RASAL2: variants seen among roughly 807,000 people sequenced by gnomAD.
RASAL2 encodes the protein ras GTPase-activating protein nGAP.
RASAL2 carries 58 observed loss-of-function variants against 128.9 expected under a neutral mutation model. That is an observed-to-expected ratio of 0.45 (90% CI 0.36 to 0.56). The LOEUF is 0.56. RASAL2 is among the 20% of genes least tolerant of loss of function. The probability of loss-of-function intolerance (pLI) is 0.00; values close to 1 mark genes in which losing one functional copy is unlikely to be tolerated. For synonymous variants in RASAL2, 561 were observed against 580.8 expected, an observed-to-expected ratio of 0.97 and a Z score of 0.49; for missense variants, 1,360 against 1,601.6, an observed-to-expected ratio of 0.85 and a Z score of 2.57.
At chr1:178,126,453 T>C (rs992755486) in intron 1 of RASAL2, among the ~76,000 whole-genome samples, 23 of 152,236 alleles carry the variant, frequency 1.5e-4, no homozygotes, top group Admixed American at 1.4e-3. Context: ...TTGTGTAATA[T>C]TGAACATCTG....
intron 3 of RASAL2, among the ~76,000 whole-genome samples, chr1:178,335,262 T>C (rs1214972562): frequency 6.6e-6 from 1 of 152,078 alleles, no homozygotes; most frequent in African/African-American, 2.4e-5. Flanking sequence ...AAAAAAAATA[T>C]AGCATATCTA....
At chr1:178,347,089 T>C (rs112167377) in intron 3 of RASAL2, among the ~76,000 whole-genome samples, 1,534 of 152,226 alleles carry the variant, frequency 0.01, 20 homozygotes, top group African/African-American at 0.035. Context: ...CAAACAATGA[T>C]TTACCTGTTT....
intron 1 of RASAL2, among the ~76,000 whole-genome samples, chr1:178,224,008 A>G (rs1196880874): frequency 1.3e-5 from 2 of 152,174 alleles, no homozygotes; most frequent in African/African-American, 4.8e-5. Flanking sequence ...TGTTAAATTG[A>G]ATATATGAGT....
chr1:178,229,193 A>C (rs1317533341), intron 1 of RASAL2, among the ~76,000 whole-genome samples: 1 of 152,234 alleles, frequency 6.6e-6, no homozygotes, highest in Non-Finnish European at 1.5e-5. Flanking sequence ...TACCTTAAGA[A>C]TATGATAACT....
chr1:178,109,034 A>T (rs1414862079), intron 1 of RASAL2, among the ~76,000 whole-genome samples: 3 of 152,230 alleles, frequency 2.0e-5, no homozygotes, highest in Admixed American at 2.0e-4. Context: ...TGTTTGATCA[A>T]GCCAGTGAGA....
At position 178,475,600 on chromosome 1, in the gene RASAL2, G is replaced by A. The variant is rs1199968024; in HGVS notation, c.*2361G>A. Reference sequence around the variant, plus strand: ...TGAGGTTTGGAAGCTCTTAAGTGCCGATTATGGATTACAGAGGGCTGATAA... The same window carrying A: ...TGAGGTTTGGAAGCTCTTAAGTGCCAATTATGGATTACAGAGGGCTGATAA... On this transcript the variant is annotated 3_prime_UTR_variant, in exon 18 of 18. Transcript: ENST00000367649. The A allele has an allele frequency of 6.6e-6, 1 of 152,160 alleles. No homozygotes were observed. The highest frequency in any genetic ancestry group is 1.5e-5 in the Non-Finnish European group (1 of 68,026). The allele number at this position is 152,160 out of a possible 1,614,324, so 9.4% of individuals were successfully genotyped here. A position where few individuals can be genotyped will look rare whatever the true frequency, so the allele number is the denominator to read the frequency against.
rs750568086 is a variant in RASAL2, at chr1:178,458,532, A to G, written c.3240A>G (p.Gln1080=). ...PVPKVRAIQR[Q]QTQQVQSPVD... ...CCAAAGTTAGAGCAATCCAGAGACA[A>G]CAGACACAGCAGGTAGGTGTGAGTG... The change falls in exon 14 of 18, where the codon CAA becomes CAG. Residue 1080 remains glutamine, a synonymous_variant. Coordinates refer to ENST00000367649, the MANE Select transcript of RASAL2 (RefSeq NM_170692.4). 1.2e-6 allele frequency: 2 copies of G among 1,609,928 alleles called. No homozygotes were observed. Among genetic ancestry groups the G allele is most frequent in the South Asian group, 1.1e-5 (1 of 90,268 alleles).
chr1:178,109,824 C>G (rs1016365773), intron 1 of RASAL2, among the ~76,000 whole-genome samples: 2 of 152,010 alleles, frequency 1.3e-5, no homozygotes, highest in African/African-American at 4.8e-5. Flanking sequence ...GAGTTGGAGA[C>G]CAGCCTGGGC....
At chr1:178,132,518 CAT>C (rs1452952537) in intron 1 of RASAL2, among the ~76,000 whole-genome samples, 6 of 152,072 alleles carry the variant, frequency 3.9e-5, no homozygotes, top group African/African-American at 1.4e-4. Flanking sequence ...ATGAGGAGAA[CAT>C]AAATCACCCA....
chr1:178,209,465 C>T (rs1663176772), intron 1 of RASAL2, among the ~76,000 whole-genome samples: 1 of 152,128 alleles, frequency 6.6e-6, no homozygotes, highest in Non-Finnish European at 1.5e-5. Context: ...CAGTGTAACT[C>T]CCAAGTAGTC....
At chr1:178,177,689 A>T (rs886893903) in intron 1 of RASAL2, among the ~76,000 whole-genome samples, 2 of 152,154 alleles carry the variant, frequency 1.3e-5, no homozygotes, top group Admixed American at 6.6e-5. Context: ...ATGAAGAAGG[A>T]TGATGTATTA....
chr1:178,337,850 A>T (rs893798329), intron 3 of RASAL2, among the ~76,000 whole-genome samples: 5 of 147,720 alleles, frequency 3.4e-5, no homozygotes, highest in African/African-American at 5.0e-5. Flanking sequence ...TCCTGCCTCA[A>T]CCTCCCGAGT....
chr1:178,396,826 TA>T lies in RASAL2; in HGVS notation c.564+6634del, dbSNP rs60205143. The stretch of plus-strand genomic sequence containing the variant: ...TTTTGTCAGATTGTTGAGTGGCTGG[TA>T]AAAAAAAAAAAAAGGCTCTAGAAGA... On this transcript the variant is annotated intron_variant, in intron 4 of 17. Transcript: ENST00000367649. Among the ~76,000 whole-genome samples the T allele has an allele frequency of 4.9e-3, 652 of 133,992 alleles. 1 individual carries two copies. The highest frequency in any genetic ancestry group is 5.6e-3 in the South Asian group (23 of 4,120). 87.9% of individuals were successfully genotyped at this position (133,992 alleles called of 152,430 possible). A position where few individuals can be genotyped will look rare whatever the true frequency, so the allele number is the denominator to read the frequency against.
At chr1:178,245,439 ATTTG>A (rs1664727330) in intron 1 of RASAL2, among the ~76,000 whole-genome samples, 1 of 152,090 alleles carries the variant, frequency 6.6e-6, no homozygotes, top group Admixed American at 6.5e-5. Context: ...TTTCTTGTAA[ATTTG>A]TTTAAGTTCC....
chr1:178,284,303 G>C (rs1248401437), intron 2 of RASAL2, among the ~76,000 whole-genome samples: 1 of 152,208 alleles, frequency 6.6e-6, no homozygotes, highest in Non-Finnish European at 1.5e-5. Context: ...GGCCAGCAGG[G>C]AGGAAGTAAG....
At chr1:178,186,702 A>G (rs914344244) in intron 1 of RASAL2, among the ~76,000 whole-genome samples, 1 of 151,876 alleles carries the variant, frequency 6.6e-6, no homozygotes, top group Non-Finnish European at 1.5e-5. Context: ...TTTAATTATT[A>G]TGTGTCTTGG....
chr1:178,458,206 A>C lies in RASAL2; in HGVS notation c.2914A>C (p.Met972Leu), dbSNP rs750332818. The C allele has an allele frequency of 6.2e-7, 1 of 1,614,168 alleles. No individual in the cohort carries two copies. Among genetic ancestry groups the C allele is most frequent in the Non-Finnish European group, 8.5e-7 (1 of 1,180,058 alleles). ...FKLSGPSNSS[M>L]EDFTKRSTQS... ...GCTCAGTGGACCCAGCAATAGCAGC[A>C]TGGAAGATTTCACTAAACGTAGCAC... is the stretch of plus-strand genomic sequence containing the variant. Residue 972 changes from methionine to leucine, a missense_variant, in exon 14 of 18, where the codon ATG (methionine) becomes CTG (leucine). Physicochemically the swap from Met to Leu is conservative, Grantham distance 15. Transcript: ENST00000367649.
chr1:178,297,049 AAAC>A (rs1557884448), intron 2 of RASAL2, among the ~76,000 whole-genome samples: 1 of 152,126 alleles, frequency 6.6e-6, no homozygotes, highest in Admixed American at 6.5e-5. Flanking sequence ...GAAGAAAAAA[AAAC>A]AAAGAAAGAA....
intron 2 of RASAL2, among the ~76,000 whole-genome samples, chr1:178,285,103 C>CTTTTTTTTTTTT (rs58901015): frequency 4.9e-5 from 4 of 81,936 alleles, no homozygotes; most frequent in Admixed American, 1.3e-4. Context: ...TTGCTACTTT[C>CTTTTTTTTTTTT]TTTTTTTTTT....
Sources: allele counts gnomAD v4.1 joint callset (sites outside exome capture counted in the v4.1 genomes callset), GRCh38; gene constraint gnomAD v4.1.1; transcripts MANE v1.5; gene names NCBI Gene and HGNC (gene_info 2026-07-23, HGNC 2026-07-21).